The following STXBP2 variants were observed in gnomAD, a reference collection of about 807,000 sequenced individuals.
STXBP2 encodes syntaxin binding protein 2.
STXBP2 carries 47 observed loss-of-function variants against 72.2 expected under a neutral mutation model. That is an observed-to-expected ratio of 0.65 (90% CI 0.51 to 0.83). STXBP2 has a LOEUF of 0.83. STXBP2 is among the 40% of genes least tolerant of loss of function. The pLI is 0.00. For synonymous variants in STXBP2, 367 were observed against 338.7 expected, an observed-to-expected ratio of 1.08 and a Z score of -0.92; for missense variants, 702 against 807.6, an observed-to-expected ratio of 0.87 and a Z score of 1.58.
chr19:7,640,046 G>C (rs1185691359), intron 4 of STXBP2: 1 of 651,932 alleles, frequency 1.5e-6, no homozygotes, highest in Non-Finnish European at 2.8e-6. Flanking sequence ...GTCTGTGTGT[G>C]CATTTGTGTG....
Position 7,647,250 on chromosome 19 carries a change from G to A in STXBP2, c.1538+3G>A. ...GCCAGCTCCCAGGCCGCTGTCAGGT[G>A]AGGCCCCGGGGCCGCCCCCGCCCAC... On this transcript the variant is annotated splice_donor_region_variant and intron_variant, in intron 17 of 18. Transcript: ENST00000221283. 1.2e-6 allele frequency: 2 copies of A among 1,610,722 alleles called. No individual in the cohort carries two copies. The highest frequency in any genetic ancestry group is 2.2e-5 in the South Asian group (2 of 90,988).
the STXBP2 span, chr19:7,631,406 G>GC: frequency 2.2e-6 from 2 of 925,082 alleles, no homozygotes; most frequent in Non-Finnish European, 3.1e-6. Flanking sequence ...GGGCGGGGGG[G>GC]GGTGGTCCCG....
chr19:7,633,483 G>C (rs1394598370), upstream of STXBP2: 1 of 1,562,744 alleles, frequency 6.4e-7, no homozygotes, highest in African/African-American at 1.4e-5. Flanking sequence ...TCACTTTTCT[G>C]CTGGCCTCTG....
intron 15 of STXBP2, 170 bp downstream of exon 15, chr19:7,645,476 C>T: frequency 1.6e-6 from 1 of 623,322 alleles, no homozygotes. Context: ...CCAGAGGACA[C>T]TGGGGCCTCT....
intron 16 of STXBP2, 96 bp downstream of exon 16, chr19:7,646,440 G>T (rs1217879435): frequency 4.3e-6 from 5 of 1,161,202 alleles, no homozygotes; most frequent in Middle Eastern, 1.9e-4. Flanking sequence ...GGGCTTAGGG[G>T]AAAATGCTCA....
At position 7,647,215 on chromosome 19, in the gene STXBP2, C is replaced by T. The variant is rs773575515; in HGVS notation, c.1506C>T (p.Pro502=). Residue 502 remains proline, a synonymous_variant, in exon 17 of 19, where the codon CCC becomes CCT. Coordinates refer to ENST00000221283, the MANE Select transcript of STXBP2 (RefSeq NM_006949.4). ...DRNLWPFVSD[P]APTASSQAAV... ...ACCTGTGGCCCTTCGTATCCGACCC[C>T]GCCCCCACGGCCAGCTCCCAGGCCG... The T allele has an allele frequency of 2.1e-5, 34 of 1,611,854 alleles. No homozygotes were observed. In the South Asian group the frequency reaches 2.7e-4, roughly 13 times the overall value.
upstream of STXBP2, among the ~76,000 whole-genome samples, chr19:7,634,816 C>T (rs1171983359): frequency 6.6e-6 from 1 of 152,222 alleles, no homozygotes; most frequent in Non-Finnish European, 1.5e-5. Context: ...AGTGGCCTGC[C>T]GTCCTTGATG....
At chr19:7,632,992 T>G (rs1281304537), upstream of STXBP2, 1 of 1,425,820 alleles carries the variant, frequency 7.0e-7, no homozygotes, top group Admixed American at 2.9e-5. The surrounding 1 kb of genome is among the most constrained non-coding windows in gnomAD (Gnocchi z 5.2). Context: ...CTGTTCTGAA[T>G]GAGACATGAG....
intron 14 of STXBP2, 62 bp from the exon 15 acceptor site, chr19:7,645,135 C>T: frequency 6.5e-7 from 1 of 1,527,282 alleles, no homozygotes; most frequent in Admixed American, 2.0e-5. Context: ...CCACCCCAAA[C>T]TCCCCTAAAC....
At position 7,645,531 on chromosome 19, in the gene STXBP2, C is replaced by T. The variant is rs115839971; in HGVS notation, c.1356+225C>T. On this transcript the variant is annotated intron_variant, in intron 15 of 18. Coordinates refer to ENST00000221283, the MANE Select transcript of STXBP2 (RefSeq NM_006949.4). ...ATAGGCAGGGGAAGTGAGACATGGT[C>T]GCTGCCAGGCTGGTCCTGGCAGTGG... 4.3e-3 allele frequency: 2,392 copies of T among 558,958 alleles called. 39 individuals carry two copies. The highest frequency in any genetic ancestry group is 0.031 in the African/African-American group (1,669 of 53,254). 34.6% of individuals were successfully genotyped at this position (558,958 alleles called of 1,614,324 possible).
rs559708378 is a variant in STXBP2 at position 7,639,860 on chromosome 19, ATG to A, written c.246+61_246+62del. On this transcript the variant is annotated intron_variant, in intron 4 of 18. Transcript: ENST00000221283. ...TGCGCGTGCATGCGTGTACATGTGC[ATG>A]TGTGTGTATGTCTGCATGCATGTGA... is the stretch of plus-strand genomic sequence containing the variant. 8.0e-3 allele frequency: 12,461 copies of A among 1,562,842 alleles called. 68 individuals carry two copies. Among genetic ancestry groups the A allele is most frequent in the Middle Eastern group, 0.017 (94 of 5,578 alleles).
At position 7,642,659 on chromosome 19, in the gene STXBP2, C is replaced by T; in HGVS notation, c.903-107C>T. 6.8e-7 allele frequency: 1 copy of T among 1,477,954 alleles called. No homozygotes were observed. Among genetic ancestry groups the T allele is most frequent in the South Asian group, 1.1e-5 (1 of 87,370 alleles). The allele number at this position is 1,477,954 out of a possible 1,614,324, so 91.6% of individuals were successfully genotyped here. ...TGAGCACCCCTCGTGTGACTCCAGA[C>T]TGGCCTCCAATTTCACCCCACCTCT... On this transcript the variant is annotated intron_variant, in intron 10 of 18. Coordinates refer to ENST00000221283, the MANE Select transcript of STXBP2 (RefSeq NM_006949.4). This position sits in a 1 kb window ranked among gnomAD's most constrained non-coding sequence, Gnocchi z 6.0.
chr19:7,641,027 CA>C (rs755719426), intron 6 of STXBP2, 24 bp downstream of exon 6: 2 of 1,612,244 alleles, frequency 1.2e-6, no homozygotes, highest in South Asian at 2.2e-5. Context: ...TCATCCTGGG[CA>C]GGGGGTGGGG....
chr19:7,647,153 G>C lies in STXBP2; in HGVS notation c.1453-9G>C, dbSNP rs372742473. Reference sequence around the variant, plus strand: ...GGGTTCCTCCCCTAACCTGCCTCTCGGCCGCCAGGACGCCGTGGAGGACCG... The same window carrying C: ...GGGTTCCTCCCCTAACCTGCCTCTCCGCCGCCAGGACGCCGTGGAGGACCG... On this transcript the variant is annotated splice_polypyrimidine_tract_variant and intron_variant, in intron 16 of 18. Coordinates refer to ENST00000221283, the MANE Select transcript of STXBP2 (RefSeq NM_006949.4). The C allele has an allele frequency of 1.2e-6, 2 of 1,611,162 alleles. No homozygotes were observed. Among genetic ancestry groups the C allele is most frequent in the East Asian group, 2.2e-5 (1 of 44,872 alleles).
chr19:7,641,203 A>G (rs905905716), intron 6 of STXBP2, 200 bp downstream of exon 6: 1 of 653,830 alleles, frequency 1.5e-6, no homozygotes, highest in Non-Finnish European at 2.7e-6. Context: ...GTCTCTTAAA[A>G]AAAGAAAAAG....
At chr19:7,630,469 C>A in the STXBP2 span, 2 of 905,380 alleles carry the variant, frequency 2.2e-6, no homozygotes, top group Non-Finnish European at 3.4e-6. Context: ...TCGGCCGTAA[C>A]GAGGCGCTTC....
chr19:7,640,767 C>T lies in STXBP2; in HGVS notation c.283C>T (p.Pro95Ser), dbSNP rs769231108. 3 of 1,614,058 alleles carry T rather than the reference C, an allele frequency of 1.9e-6. No individual in the cohort carries two copies. The highest frequency in any genetic ancestry group is 4.5e-5 in the East Asian group (2 of 44,894). The change falls in exon 5 of 19, where the codon CCG (proline) becomes TCG (serine). Residue 95 changes from proline (P) to serine (S), a missense_variant. Pro to Ser is a moderately conservative substitution (Grantham distance 74, BLOSUM62 -1). Coordinates refer to ENST00000221283, the MANE Select transcript of STXBP2 (RefSeq NM_006949.4). ...QALIKDFQGT[P>S]TFTYKAAHIF... Reference sequence around the variant, plus strand: ...CCTGATCAAAGACTTCCAGGGGACCCCGACTTTCACCTACAAAGCGGCCCA... The same window carrying T: ...CCTGATCAAAGACTTCCAGGGGACCTCGACTTTCACCTACAAAGCGGCCCA...
intron 4 of STXBP2, chr19:7,640,350 C>T (rs754136680): frequency 7.2e-6 from 4 of 556,452 alleles, no homozygotes; most frequent in African/African-American, 1.9e-5. Flanking sequence ...GTGTATGCGT[C>T]TGTGCATGTG....
At chr19:7,635,864 C>A (rs771330448), upstream of STXBP2, among the ~76,000 whole-genome samples, 4 of 152,180 alleles carry the variant, frequency 2.6e-5, no homozygotes, top group Non-Finnish European at 5.9e-5. Flanking sequence ...CATCCTGGCA[C>A]TGGGATGGGT....
Sources: allele counts gnomAD v4.1 joint callset (sites outside exome capture counted in the v4.1 genomes callset), GRCh38; gene constraint gnomAD v4.1.1; non-coding constraint Gnocchi (gnomAD v3.1); transcripts MANE v1.5; gene names NCBI Gene and HGNC (gene_info 2026-07-23, HGNC 2026-07-21).